Variants in NAV2 observed in about 807,000 individuals in gnomAD.
NAV2 encodes the protein helicase, APC down-regulated 1.
Under a neutral mutation model 223.2 loss-of-function variants are expected in NAV2, and 54 were observed. The ratio of observed to expected loss-of-function variants is 0.24; its 90% CI spans 0.19 to 0.30. The LOEUF is 0.30. Ranked by LOEUF, NAV2 falls within the 10% of genes least tolerant of loss-of-function variation. The pLI is 1.00. For missense variants in NAV2, 2,806 were observed against 3,147.5 expected (o/e 0.89, Z 2.60); for synonymous variants, 1,279 against 1,239.3 (o/e 1.03, Z -0.67).
intron 1 of NAV2, chr11:19,519,607 C>T (rs2043577778): frequency 6.6e-6 from 1 of 152,176 alleles, no homozygotes; most frequent in African/African-American, 2.4e-5. Flanking sequence ...ATGACAGAAT[C>T]CCCCTTTTCC....
chr11:20,026,827 T>G (rs1373748295), intron 11 of NAV2, among the ~76,000 whole-genome samples: 1 of 152,186 alleles, frequency 6.6e-6, no homozygotes, highest in Non-Finnish European at 1.5e-5. Context: ...AATCCTCAAT[T>G]GCCTCATCTG....
chr11:19,517,156 C>A (rs1418593494), intron 1 of NAV2, among the ~76,000 whole-genome samples: 1 of 152,190 alleles, frequency 6.6e-6, no homozygotes, highest in Non-Finnish European at 1.5e-5. Flanking sequence ...TCCTGGCCTG[C>A]GCAGTCCACT....
intron 26 of NAV2, among the ~76,000 whole-genome samples, chr11:20,086,406 C>T (rs549344380): frequency 1.3e-5 from 2 of 152,284 alleles, no homozygotes; most frequent in East Asian, 3.9e-4. Flanking sequence ...GGTCTCTGCT[C>T]AATGTGACTT....
At chr11:19,504,360 T>C (rs2043055590) in intron 1 of NAV2, 1 of 152,234 alleles carries the variant, frequency 6.6e-6, no homozygotes, top group Non-Finnish European at 1.5e-5. Flanking sequence ...TTTCAAGGCT[T>C]CAATCCTACT....
In NAV2 at chr11:19,897,855, C is replaced by A. The variant is rs183584706; in HGVS notation, c.931+5261C>A. Among the ~76,000 whole-genome samples the A allele has an allele frequency of 3.6e-3, 481 of 132,344 alleles. 8 individuals carry two copies. The highest frequency in any genetic ancestry group is 0.014 in the African/African-American group (464 of 33,644). 86.8% of individuals were successfully genotyped at this position (132,344 alleles called of 152,430 possible). ...TTCGTTTTCTCTCTCCTGCAAGCAGCAATGAGCCACAGCTGTGCCTGACCT... is the reference window on the plus strand; with the variant it reads ...TTCGTTTTCTCTCTCCTGCAAGCAGAAATGAGCCACAGCTGTGCCTGACCT... On this transcript the variant is annotated intron_variant, in intron 6 of 37. Transcript: ENST00000349880.
intron 1 of NAV2, among the ~76,000 whole-genome samples, chr11:19,615,210 A>G (rs1053184856): frequency 2.0e-5 from 3 of 151,572 alleles, no homozygotes; most frequent in African/African-American, 7.3e-5. Flanking sequence ...GTAAAAATAT[A>G]CTGTATATAT....
chr11:19,876,547 A>G (rs1389845572), intron 4 of NAV2, among the ~76,000 whole-genome samples: 1 of 152,210 alleles, frequency 6.6e-6, no homozygotes, highest in Non-Finnish European at 1.5e-5. Context: ...TCCTAAGAGG[A>G]AATATATTTA....
intron 1 of NAV2, among the ~76,000 whole-genome samples, chr11:19,741,685 GTGTATATATATA>G (rs200449154): frequency 0.11 from 13,979 of 131,568 alleles, 996 homozygotes; most frequent in East Asian, 0.19. Flanking sequence ...ATGTGTGTGT[GTGTATATATATA>G]TATATATATA....
Position 19,713,947 on chromosome 11 carries a change from C to A in NAV2, c.252C>A (p.Asn84Lys), listed in dbSNP as rs1359415737. The A allele has an allele frequency of 6.2e-7, 1 of 1,612,676 alleles. No homozygotes were observed. The highest frequency in any genetic ancestry group is 8.5e-7 in the Non-Finnish European group (1 of 1,179,788). ...LPLRKSGSVE[N>K]GFDTQIYTDW... The stretch of plus-strand genomic sequence containing the variant: ...TGCGGAAGAGCGGCTCGGTGGAAAA[C>A]GGGTTCGATACCCAGGTGAGAGATG... Residue 84 changes from asparagine (N) to lysine (K), a missense_variant, in exon 1 of 38, where the codon AAC (asparagine) becomes AAA (lysine). This residue lies in a region of NAV2 where 1,167 missense variants were observed against 1,180.5 expected (regional missense o/e 0.99). Transcript: ENST00000349880. The surrounding 1 kb of genome is among the most constrained non-coding windows in gnomAD (Gnocchi z 7.2).
intron 4 of NAV2, among the ~76,000 whole-genome samples, chr11:19,872,406 G>T (rs1475627922): frequency 6.6e-6 from 1 of 152,226 alleles, no homozygotes; most frequent in Non-Finnish European, 1.5e-5. Flanking sequence ...ATCAGCAGTG[G>T]CTAAACTACC....
chr11:19,449,168 T>C (rs957584855), intron 1 of NAV2, among the ~76,000 whole-genome samples: 5 of 152,192 alleles, frequency 3.3e-5, no homozygotes, highest in African/African-American at 7.2e-5. Flanking sequence ...GCCTCCAGTT[T>C]GGGGAGCATG....
intron 22 of NAV2, among the ~76,000 whole-genome samples, chr11:20,073,581 G>A (rs750255621): frequency 1.3e-5 from 2 of 151,980 alleles, no homozygotes; most frequent in Non-Finnish European, 2.9e-5. Context: ...TTTTTTGGTT[G>A]GTAGGCTATT....
chr11:19,526,702 C>T (rs1290802311), intron 1 of NAV2, among the ~76,000 whole-genome samples: 3 of 152,152 alleles, frequency 2.0e-5, no homozygotes, highest in African/African-American at 7.2e-5. Context: ...AGCTCTCCTA[C>T]AGTCCCCTGA....
At chr11:19,916,495 A>G (rs569579907) in intron 6 of NAV2, among the ~76,000 whole-genome samples, 3 of 152,252 alleles carry the variant, frequency 2.0e-5, no homozygotes, top group Non-Finnish European at 4.4e-5. Flanking sequence ...AGTTTAAAGG[A>G]TTTCCAATTA....
intron 1 of NAV2, among the ~76,000 whole-genome samples, chr11:19,714,836 G>T (rs2050164829): frequency 6.6e-6 from 1 of 152,136 alleles, no homozygotes; most frequent in Non-Finnish European, 1.5e-5. Context: ...GGTTCTCTTG[G>T]TCCTCCCCGC....
At chr11:19,832,431 C>CT in intron 1 of NAV2, 53 bp from the exon 2 acceptor site, 1 of 1,444,758 alleles carries the variant, frequency 6.9e-7, no homozygotes, top group South Asian at 1.2e-5. Flanking sequence ...GCCTCAGACT[C>CT]TGAGAGGGGA....
chr11:19,714,925 G>A (rs920393060), intron 1 of NAV2, among the ~76,000 whole-genome samples: 9 of 152,200 alleles, frequency 5.9e-5, no homozygotes, highest in Admixed American at 1.3e-4. Context: ...GGGACAGGCC[G>A]ACCTGACGGA....
chr11:20,080,227 C>A lies in NAV2; in HGVS notation c.5325+18C>A. Reference sequence around the variant, plus strand: ...AGAACTGGGTGAGTGCACATCCACTCTCCTGGGGACTGACGGACAGAGTCA... The same window carrying A: ...AGAACTGGGTGAGTGCACATCCACTATCCTGGGGACTGACGGACAGAGTCA... On this transcript the variant is annotated intron_variant, in intron 25 of 37. Coordinates refer to ENST00000349880, the MANE Select transcript of NAV2 (RefSeq NM_145117.5). 6.2e-7 allele frequency: 1 copy of A among 1,609,492 alleles called. No individual in the cohort carries two copies. Among genetic ancestry groups the A allele is most frequent in the East Asian group, 2.2e-5 (1 of 44,678 alleles).
chr11:19,428,499 C>G (rs1472269294), intron 1 of NAV2, among the ~76,000 whole-genome samples: 1 of 152,166 alleles, frequency 6.6e-6, no homozygotes, highest in Non-Finnish European at 1.5e-5. Context: ...AGTGCTTATC[C>G]CTGCTATTAC....
Sources: gnomAD v4.1 joint callset for allele counts (sites outside exome capture counted in the v4.1 genomes callset) on GRCh38, gnomAD v4.1.1 for gene constraint, gnomAD v4.1.1 regional missense constraint, Gnocchi (gnomAD v3.1) non-coding constraint, MANE v1.5 for transcripts, NCBI Gene and HGNC (gene_info 2026-07-23, HGNC 2026-07-21) for gene names.